Variants in DPYD observed in about 807,000 individuals in gnomAD.
DPYD encodes the protein dihydropyrimidine dehydrogenase, also known as dihydropyrimidine dehydrogenase [NADP(+)].
A neutral mutation model predicts 116.2 loss-of-function variants in DPYD; 109 were observed. That is an observed-to-expected ratio of 0.94 (90% CI 0.80 to 1.10). The LOEUF (loss-of-function observed/expected upper bound fraction) is 1.10, where lower values mean the gene tolerates loss of function less well. DPYD is among the 50% of genes least tolerant of loss of function. The pLI is 0.00. For synonymous variants in DPYD, 440 were observed against 432.0 expected (o/e 1.02, Z -0.23); for missense variants, 1,302 against 1,254.5 (o/e 1.04, Z -0.57).
chr1:97,219,747 C>T (rs981214503), intron 19 of DPYD, among the ~76,000 whole-genome samples: 29 of 152,262 alleles, frequency 1.9e-4, no homozygotes, highest in East Asian at 5.8e-4. Flanking sequence ...CTGAGGAAAG[C>T]GACAGCTGGT....
At chr1:97,772,336 T>C (rs1296436403) in intron 3 of DPYD, among the ~76,000 whole-genome samples, 1 of 152,212 alleles carries the variant, frequency 6.6e-6, no homozygotes, top group African/African-American at 2.4e-5. Flanking sequence ...GAAATTGTAC[T>C]TCTTTCTTTC....
intron 9 of DPYD, 37 bp from the exon 10 acceptor site, chr1:97,593,424 G>C: frequency 6.2e-7 from 1 of 1,610,904 alleles, no homozygotes; most frequent in Non-Finnish European, 8.5e-7. Flanking sequence ...TTCAAGTAGA[G>C]AAACCATTTC....
intron 8 of DPYD, among the ~76,000 whole-genome samples, chr1:97,641,572 A>G (rs77326442): frequency 0.086 from 13,100 of 152,202 alleles, 802 homozygotes; most frequent in Non-Finnish European, 0.12. Context: ...AAAACTCTCA[A>G]TAACCTAGGT....
intron 3 of DPYD, among the ~76,000 whole-genome samples, chr1:97,762,000 C>T (rs1208255492): frequency 6.6e-6 from 1 of 152,074 alleles, no homozygotes; most frequent in Non-Finnish European, 1.5e-5. Context: ...CACTAGGGCC[C>T]ACTTGAGGGT....
intron 16 of DPYD, among the ~76,000 whole-genome samples, chr1:97,343,397 G>A (rs535438201): frequency 6.6e-6 from 1 of 152,186 alleles, no homozygotes; most frequent in South Asian, 2.1e-4. Context: ...TAGGTTGCAT[G>A]TGTATTATCA....
intron 16 of DPYD, among the ~76,000 whole-genome samples, chr1:97,352,677 C>T (rs551744297): frequency 2.4e-4 from 36 of 150,964 alleles, no homozygotes; most frequent in African/African-American, 8.0e-4. Context: ...TTTTCCCCTT[C>T]CCTACTTTGT....
At chr1:97,170,422 T>C (rs1656638872) in intron 20 of DPYD, among the ~76,000 whole-genome samples, 1 of 152,154 alleles carries the variant, frequency 6.6e-6, no homozygotes, top group African/African-American at 2.4e-5. Flanking sequence ...GCTGATTTTA[T>C]ATGAAATTGA....
At chr1:97,442,364 G>A (rs574668400) in intron 14 of DPYD, among the ~76,000 whole-genome samples, 9 of 148,634 alleles carry the variant, frequency 6.1e-5, no homozygotes, top group Non-Finnish European at 1.0e-4. Context: ...TTTCCATCTA[G>A]GATGCACTAA....
chr1:97,197,875 C>T (rs745659115), intron 19 of DPYD, among the ~76,000 whole-genome samples: 1 of 152,160 alleles, frequency 6.6e-6, no homozygotes, highest in East Asian at 1.9e-4. Flanking sequence ...GTGTGCAATG[C>T]TGGAAGCCCT....
chr1:97,780,063 T>C (rs538366468), intron 3 of DPYD, among the ~76,000 whole-genome samples: 1 of 152,336 alleles, frequency 6.6e-6, no homozygotes, highest in South Asian at 2.1e-4. Context: ...GTTTTATAAT[T>C]ACATTTAATG....
chr1:97,842,927 T>C (rs764646739), intron 2 of DPYD, among the ~76,000 whole-genome samples: 3 of 152,116 alleles, frequency 2.0e-5, no homozygotes, highest in Non-Finnish European at 4.4e-5. Context: ...TGTTCTGCAC[T>C]TGGTGGAGAT....
intron 5 of DPYD, among the ~76,000 whole-genome samples, chr1:97,711,209 T>C (rs1311365088): frequency 6.6e-6 from 1 of 151,890 alleles, no homozygotes; most frequent in Non-Finnish European, 1.5e-5. Flanking sequence ...AAGGTTATAT[T>C]GGATATTTGA....
rs1191528770 is a variant in DPYD, at chr1:97,497,992, T to A, written c.1740+17734A>T. 4.0e-5 allele frequency among the ~76,000 whole-genome samples: 6 copies of A among 151,804 alleles called. No individual in the cohort carries two copies. In the East Asian group the frequency reaches 1.2e-3, roughly 29 times the overall value. ...ATATCCACAGAAAGAAATGAAGCATTACATTGATAAATGCTACAACACAGG... is the reference window on the plus strand; with the variant it reads ...ATATCCACAGAAAGAAATGAAGCATAACATTGATAAATGCTACAACACAGG... On this transcript the variant is annotated intron_variant, in intron 13 of 22. Coordinates refer to ENST00000370192, the MANE Select transcript of DPYD (RefSeq NM_000110.4).
intron 16 of DPYD, among the ~76,000 whole-genome samples, chr1:97,363,002 CAG>C (rs1316510966): frequency 2.0e-5 from 3 of 152,218 alleles, no homozygotes; most frequent in Non-Finnish European, 4.4e-5. Flanking sequence ...AAATTACCAT[CAG>C]AGTGAACGGA....
chr1:97,553,689 G>C (rs369102226), intron 11 of DPYD, among the ~76,000 whole-genome samples: 1 of 151,992 alleles, frequency 6.6e-6, no homozygotes. Context: ...AAACGGGGGG[G>C]ATTTTCTGTT....
intron 10 of DPYD, among the ~76,000 whole-genome samples, chr1:97,592,451 C>T (rs1654587083): frequency 6.6e-6 from 1 of 152,160 alleles, no homozygotes; most frequent in African/African-American, 2.4e-5. Flanking sequence ...ACTGCAAGCT[C>T]CGCCTCCCGG....
rs1661477595 is a variant in DPYD, at chr1:97,699,511, G to T, written c.520C>A (p.Pro174Thr). 6.2e-7 allele frequency: 1 copy of T among 1,613,360 alleles called. No individual in the cohort carries two copies. Among genetic ancestry groups the T allele is most frequent in the African/African-American group, 1.3e-5 (1 of 74,880 alleles). ...ATTTTTTCTGGGGGAGGCAGCGAAG[G>T]ATTTCTGATCTGTGGGATACTCATT... ...KAMSIPQIRN[P>T]SLPPPEKMSE... The change falls in exon 6 of 23, where the codon CCT (proline) becomes ACT (threonine). Residue 174 changes from proline (P) to threonine (T), a missense_variant. Pro to Thr is a conservative substitution (Grantham distance 38). Transcript: ENST00000370192.
At chr1:97,685,504 A>G (rs1291540454) in intron 7 of DPYD, among the ~76,000 whole-genome samples, 1 of 151,136 alleles carries the variant, frequency 6.6e-6, no homozygotes, top group Admixed American at 6.6e-5. Flanking sequence ...GCAATCAGGC[A>G]AAAGACAGAA....
chr1:97,316,342 G>GAAAAAAAAAAA (rs58765306), intron 16 of DPYD, among the ~76,000 whole-genome samples: 1 of 139,832 alleles, frequency 7.2e-6, no homozygotes, highest in African/African-American at 2.6e-5. Flanking sequence ...GTAAAAAAAA[G>GAAAAAAAAAAA]AAAAAAAAAA....
Sources: allele counts gnomAD v4.1 joint callset (sites outside exome capture counted in the v4.1 genomes callset), GRCh38; gene constraint gnomAD v4.1.1; transcripts MANE v1.5; gene names NCBI Gene and HGNC (gene_info 2026-07-23, HGNC 2026-07-21).